Variants in ROBO1 observed in about 807,000 individuals in gnomAD.
ROBO1 encodes the protein roundabout homolog 1.
A neutral mutation model predicts 195.9 loss-of-function variants in ROBO1; 149 were observed. That is an observed-to-expected ratio of 0.76 (90% CI 0.67 to 0.87). The LOEUF is 0.87. ROBO1 is among the 40% of genes least tolerant of loss of function. The probability of loss-of-function intolerance (pLI) is 0.00; values close to 1 mark genes in which losing one functional copy is unlikely to be tolerated. For synonymous variants in ROBO1, 816 were observed against 733.2 expected (o/e 1.11, Z -1.82); for missense variants, 1,933 against 2,068.3 (o/e 0.93, Z 1.27).
chr3:79,553,529 G>C (rs1481869494), intron 2 of ROBO1, among the ~76,000 whole-genome samples: 1 of 152,052 alleles, frequency 6.6e-6, no homozygotes, highest in Non-Finnish European at 1.5e-5. Flanking sequence ...AACACAATAT[G>C]AGAAAAGTGT....
chr3:79,012,672 GAAGT>G (rs1400727171), intron 3 of ROBO1, among the ~76,000 whole-genome samples: 2 of 152,202 alleles, frequency 1.3e-5, no homozygotes, highest in Non-Finnish European at 2.9e-5. Flanking sequence ...TAAAATCACA[GAAGT>G]AAGAGGATTT....
intron 2 of ROBO1, among the ~76,000 whole-genome samples, chr3:79,358,910 C>T (rs575776768): frequency 4.6e-5 from 7 of 151,932 alleles, no homozygotes; most frequent in Admixed American, 2.0e-4. Context: ...TTTTTGGCCA[C>T]GTAACTTTAA....
chr3:79,458,894 A>G (rs2039707475), intron 2 of ROBO1, among the ~76,000 whole-genome samples: 1 of 152,160 alleles, frequency 6.6e-6, no homozygotes, highest in Non-Finnish European at 1.5e-5. Context: ...AAAAAGGAAA[A>G]AAAAATCAAA....
intron 4 of ROBO1, among the ~76,000 whole-genome samples, chr3:78,800,702 G>A (rs749728610): frequency 9.2e-5 from 14 of 151,868 alleles, no homozygotes; most frequent in Non-Finnish European, 1.9e-4. Flanking sequence ...GACTACAGGC[G>A]CCCACCACCA....
intron 2 of ROBO1, among the ~76,000 whole-genome samples, chr3:79,564,295 GT>G (rs1235377356): frequency 6.6e-6 from 1 of 151,884 alleles, no homozygotes; most frequent in Non-Finnish European, 1.5e-5. Flanking sequence ...GCTAGCCATG[GT>G]TTAGCACAGG....
chr3:78,984,822 G>A (rs2108012825), intron 3 of ROBO1, among the ~76,000 whole-genome samples: 1 of 152,312 alleles, frequency 6.6e-6, no homozygotes, highest in South Asian at 2.1e-4. Context: ...AAATGGGGAA[G>A]AGAAATACAG....
At chr3:79,403,155 G>GA (rs1322107213) in intron 2 of ROBO1, among the ~76,000 whole-genome samples, 1 of 151,792 alleles carries the variant, frequency 6.6e-6, no homozygotes, top group Non-Finnish European at 1.5e-5. Flanking sequence ...TCTCAGGCAA[G>GA]AAAAAATGCT....
chr3:79,743,428 A>G lies in ROBO1; in HGVS notation c.-51+24324T>C, dbSNP rs1703735319. ...ACCATGAATGGAGTTACAAGACTGA[A>G]TTTGCTCTGAATGAGCCAGTGAGTG... On this transcript the variant is annotated intron_variant, in intron 1 of 30. Transcript: ENST00000464233. 3.3e-5 allele frequency among the ~76,000 whole-genome samples: 5 copies of G among 152,212 alleles called. 1 individual carries two copies. In the South Asian group the frequency reaches 1.0e-3, roughly 31 times the overall value.
At chr3:78,640,722 G>C (rs1484435663) in intron 21 of ROBO1, among the ~76,000 whole-genome samples, 4 of 151,960 alleles carry the variant, frequency 2.6e-5, no homozygotes, top group African/African-American at 9.7e-5. Context: ...TTGAAGAGTG[G>C]GATTCTTCAT....
intron 2 of ROBO1, among the ~76,000 whole-genome samples, chr3:79,147,813 T>A (rs999473530): frequency 6.6e-6 from 1 of 151,992 alleles, no homozygotes; most frequent in African/African-American, 2.4e-5. Context: ...TAAATTTTTT[T>A]ATTTATGCTA....
chr3:78,752,338 A>T (rs1217142471), intron 4 of ROBO1, among the ~76,000 whole-genome samples: 1 of 152,182 alleles, frequency 6.6e-6, no homozygotes, highest in Admixed American at 6.5e-5. Context: ...GCTGTGCTAT[A>T]ACTCTTGTAT....
At chr3:79,704,867 T>C (rs1947720212) in intron 1 of ROBO1, among the ~76,000 whole-genome samples, 1 of 152,010 alleles carries the variant, frequency 6.6e-6, no homozygotes, top group African/African-American at 2.4e-5. Flanking sequence ...CAGTGTTCTG[T>C]AATTCAACCA....
Position 78,646,098 on chromosome 3 carries a change from G to A in ROBO1, c.2882+50C>T, listed in dbSNP as rs565716609. ...AAGTGGTGTCATTGAGGAAGATGAA[G>A]AAATATTTGGAATTCCCTGTAGGAT... On this transcript the variant is annotated intron_variant, in intron 21 of 30. Transcript: ENST00000464233. The A allele has an allele frequency of 1.3e-5, 19 of 1,490,450 alleles. No homozygotes were observed. The South Asian group carries it at 1.5e-4, about 12-fold the overall frequency. The allele number at this position is 1,490,450 out of a possible 1,614,324, so 92.3% of individuals were successfully genotyped here. A position where few individuals can be genotyped will look rare whatever the true frequency, so the allele number is the denominator to read the frequency against.
At chr3:79,411,557 C>G (rs1192699904) in intron 2 of ROBO1, among the ~76,000 whole-genome samples, 1 of 152,134 alleles carries the variant, frequency 6.6e-6, no homozygotes, top group Non-Finnish European at 1.5e-5. Flanking sequence ...TATTACATAT[C>G]TAGCATTTGA....
intron 29 of ROBO1, among the ~76,000 whole-genome samples, chr3:78,601,547 C>A (rs1324114968): frequency 6.6e-6 from 1 of 152,176 alleles, no homozygotes. Context: ...TCATCAACAG[C>A]TTTCTCTCTA....
At chr3:79,143,647 C>T (rs1167541903) in intron 2 of ROBO1, among the ~76,000 whole-genome samples, 1 of 151,978 alleles carries the variant, frequency 6.6e-6, no homozygotes, top group Non-Finnish European at 1.5e-5. Flanking sequence ...AAAAACTTTT[C>T]AAATTTTGAG....
chr3:79,540,013 T>A (rs1942007255), intron 2 of ROBO1, among the ~76,000 whole-genome samples: 1 of 152,112 alleles, frequency 6.6e-6, no homozygotes, highest in Non-Finnish European at 1.5e-5. Context: ...TTTTCATAAT[T>A]CCTTGGAGGT....
rs184252970 is a variant in ROBO1 at position 79,337,269 on chromosome 3, T to C, written c.89-211730A>G. Among the ~76,000 whole-genome samples, 4 of 152,326 alleles carry C rather than the reference T, an allele frequency of 2.6e-5. No individual in the cohort carries two copies. The East Asian group carries it at 7.7e-4, about 29-fold the overall frequency. ...TTGGGAGGGGCCAGAGGTGGAATGATATGGATTGTCTGTGTTCCCACCCAC... is the reference window on the plus strand; with the variant it reads ...TTGGGAGGGGCCAGAGGTGGAATGACATGGATTGTCTGTGTTCCCACCCAC... On this transcript the variant is annotated intron_variant, in intron 2 of 30. Coordinates refer to ENST00000464233, the MANE Select transcript of ROBO1 (RefSeq NM_002941.4).
chr3:79,369,385 T>C (rs1038406814), intron 2 of ROBO1, among the ~76,000 whole-genome samples: 2 of 152,224 alleles, frequency 1.3e-5, no homozygotes, highest in Non-Finnish European at 2.9e-5. Context: ...CAACTTCCTT[T>C]ACACAGTTTG....
Sources: allele counts gnomAD v4.1 joint callset (sites outside exome capture counted in the v4.1 genomes callset), GRCh38; gene constraint gnomAD v4.1.1; transcripts MANE v1.5; gene names NCBI Gene and HGNC (gene_info 2026-07-23, HGNC 2026-07-21).